C2: variants seen among roughly 807,000 people sequenced by gnomAD.
The protein encoded by C2 is complement C2.
In C2, 64 loss-of-function variants were observed where a neutral mutation model predicts 85.2. The observed-to-expected ratio is 0.75, with a 90% CI of 0.61 to 0.92. The LOEUF is 0.92. Among genes scored for constraint, C2 ranks in the 40% least tolerant of loss-of-function variants. The pLI is 0.00. For missense variants in C2, 820 were observed against 971.6 expected (o/e 0.84, Z 2.07); for synonymous variants, 311 against 370.8 (o/e 0.84, Z 1.85).
chr6:31,945,086 G>C lies in C2; in HGVS notation c.2079+57G>C, dbSNP rs561595766. Reference sequence around the variant, plus strand: ...GTTACAGGATCTCAGCCTTGTTGGGGGGATGAGGGAGGCCTTTGAGGGATC... The same window carrying C: ...GTTACAGGATCTCAGCCTTGTTGGGCGGATGAGGGAGGCCTTTGAGGGATC... On this transcript the variant is annotated intron_variant, in intron 17 of 17. Transcript: ENST00000299367. The surrounding 1 kb of genome is among the most constrained non-coding windows in gnomAD (Gnocchi z 5.3). The C allele has an allele frequency of 3.2e-5, 52 of 1,609,992 alleles. No individual in the cohort carries two copies. Among genetic ancestry groups the C allele is most frequent in the Non-Finnish European group, 4.2e-5 (50 of 1,177,418 alleles).
At chr6:31,911,990 C>CT (rs547360894) in intron 1 of C2, among the ~76,000 whole-genome samples, 15 of 141,546 alleles carry the variant, frequency 1.1e-4, no homozygotes, top group Non-Finnish European at 2.1e-4. Flanking sequence ...AGGCTGGTCT[C>CT]TAACTCCTGG....
chr6:31,899,306 A>G (rs1038534314), upstream of C2, among the ~76,000 whole-genome samples: 19 of 131,532 alleles, frequency 1.4e-4, 1 homozygote, highest in Non-Finnish European at 7.8e-5. Flanking sequence ...CCACTTCCCA[A>G]TATCTACCCA....
At chr6:31,899,476 C>T (rs9267663), upstream of C2, 11,540 of 166,388 alleles carry the variant, frequency 0.069, 660 homozygotes, top group African/African-American at 0.14. Flanking sequence ...ACTCCCTCAC[C>T]CCAGGTCTAT....
chr6:31,899,877 T>G (rs778162885), upstream of C2: 3 of 1,508,006 alleles, frequency 2.0e-6, no homozygotes, highest in Non-Finnish European at 1.8e-6. Context: ...AGAGCCCTTT[T>G]TCCACGCAGC....
chr6:31,937,053 C>CA (rs1257474663), intron 7 of C2: 11 of 454,296 alleles, frequency 2.4e-5, no homozygotes, highest in Non-Finnish European at 2.0e-5. Context: ...ACTAAAAATA[C>CA]AAAAAATTAG....
intron 1 of C2, among the ~76,000 whole-genome samples, chr6:31,912,963 G>T (rs1294820381): frequency 1.3e-5 from 2 of 150,382 alleles, no homozygotes; most frequent in Non-Finnish European, 2.9e-5. Context: ...GGAGGGCAAG[G>T]TGGGAGGATT....
chr6:31,929,656 T>C (rs1769562178), intron 3 of C2, among the ~76,000 whole-genome samples: 2 of 145,772 alleles, frequency 1.4e-5, no homozygotes, highest in Non-Finnish European at 3.0e-5. Context: ...AAGTGGAGAT[T>C]GCAGTGAGCC....
chr6:31,928,207 GC>G, intron 2 of C2, 43 bp downstream of exon 2: 1 of 1,553,618 alleles, frequency 6.4e-7, no homozygotes, highest in Non-Finnish European at 8.7e-7. Flanking sequence ...TACACCAGGG[GC>G]CACCCCAGAA....
chr6:31,901,296 C>A (rs753258092), intron 1 of C2: 3 of 1,608,528 alleles, frequency 1.9e-6, no homozygotes, highest in Non-Finnish European at 2.5e-6. Flanking sequence ...ACTTCCACCC[C>A]AGAGGCCATT....
At chr6:31,930,723 C>A (rs757239084) in intron 3 of C2, among the ~76,000 whole-genome samples, 20 of 152,152 alleles carry the variant, frequency 1.3e-4, no homozygotes, top group Non-Finnish European at 1.9e-4. Flanking sequence ...ACCATGGATC[C>A]CCACTCATGC....
chr6:31,940,554 T>C (rs982984617), intron 9 of C2, among the ~76,000 whole-genome samples: 2 of 152,152 alleles, frequency 1.3e-5, no homozygotes, highest in Non-Finnish European at 2.9e-5. Flanking sequence ...GGCAGCTGGT[T>C]TTGAGCCCCA....
Position 31,928,745 on chromosome 6 carries a change from A to G in C2, c.270A>G (p.Pro90=). The part of the protein sequence containing the change: ...SKAVCKPVRC[P]APVSFENGIY... ...CTCTCTCTCCAGCTGTGCGCTGTCC[A>G]GCCCCTGTCTCCTTTGAGAATGGCA... is the stretch of plus-strand genomic sequence containing the variant. The change falls in exon 3 of 18, where the codon CCA becomes CCG. Residue 90 remains proline (P), a synonymous_variant. Transcript: ENST00000299367. The G allele has an allele frequency of 1.9e-6, 3 of 1,614,212 alleles. No individual in the cohort carries two copies. Among genetic ancestry groups the G allele is most frequent in the Non-Finnish European group, 2.5e-6 (3 of 1,180,036 alleles).
chr6:31,901,429 C>G (rs958202534), intron 1 of C2: 1 of 1,086,138 alleles, frequency 9.2e-7, no homozygotes, highest in African/African-American at 1.6e-5. Context: ...GGCATCCGAT[C>G]TCCCGGTCTT....
chr6:31,923,754 G>C (rs541495676), upstream of C2, among the ~76,000 whole-genome samples: 89 of 151,126 alleles, frequency 5.9e-4, no homozygotes, highest in African/African-American at 1.7e-3. Context: ...CTCCCAAAGT[G>C]CTGGGATTAC....
intron 8 of C2, 38 bp downstream of exon 8, chr6:31,937,497 GA>G: frequency 6.2e-7 from 1 of 1,611,466 alleles, no homozygotes. Context: ...TGGAATAGTG[GA>G]AGGGGCACCA....
rs1346292986 is a variant in C2 at position 31,928,663 on chromosome 6, C to T, written c.257-69C>T. 4.7e-6 allele frequency: 7 copies of T among 1,493,952 alleles called. No homozygotes were observed. The African/African-American group carries it at 6.9e-5, about 15-fold the overall frequency. 92.5% of individuals were successfully genotyped at this position (1,493,952 alleles called of 1,614,324 possible). ...CCCATGCATTCCAGCATAAAATCAC[C>T]TGCTTAATCCCCAGCCCAGGTGTTA... On this transcript the variant is annotated intron_variant, in intron 2 of 17. Transcript: ENST00000299367.
At chr6:31,937,588 A>T in intron 8 of C2, 129 bp downstream of exon 8, 1 of 1,115,328 alleles carries the variant, frequency 9.0e-7, no homozygotes, top group South Asian at 1.3e-5. Flanking sequence ...GTTTTTAGAG[A>T]TGGGGCCTTG....
At position 31,922,043 on chromosome 6, in the gene C2, A is replaced by G. The variant is rs1375836614; in HGVS notation, c.-100+2017A>G. 2.6e-5 allele frequency among the ~76,000 whole-genome samples: 4 copies of G among 152,062 alleles called. No individual in the cohort carries two copies. Among genetic ancestry groups the G allele is most frequent in the Non-Finnish European group, 5.9e-5 (4 of 67,992 alleles). ...GTGAGGGAGCCCAGTATTTATACCA[A>G]TCAGTCATTGGTTGAAGGCCTTAAT... On this transcript the variant is annotated intron_variant, in intron 1 of 3. Coordinates refer to the C2 transcript ENST00000413154. This position sits in a 1 kb window ranked among gnomAD's most constrained non-coding sequence, Gnocchi z 4.8.
chr6:31,918,877 T>TC (rs1489365400), upstream of C2, among the ~76,000 whole-genome samples: 1 of 117,324 alleles, frequency 8.5e-6, no homozygotes, highest in African/African-American at 3.0e-5. Context: ...AGCAAGACTC[T>TC]GTCTCAAAAA....
Sources: allele counts gnomAD v4.1 joint callset (sites outside exome capture counted in the v4.1 genomes callset), GRCh38; gene constraint gnomAD v4.1.1; non-coding constraint Gnocchi (gnomAD v3.1); transcripts MANE v1.5; gene names NCBI Gene and HGNC (gene_info 2026-07-23, HGNC 2026-07-21).